FHIT: variants seen among roughly 807,000 people sequenced by gnomAD.
The protein encoded by FHIT is bis(5'-adenosyl)-triphosphatase.
FHIT carries 19 observed loss-of-function variants against 17.9 expected under a neutral mutation model. The observed-to-expected ratio is 1.06, with a 90% CI of 0.74 to 1.56. The LOEUF is 1.56. FHIT is among the 40% of genes most tolerant of loss of function. FHIT has a pLI of 0.00. For synonymous variants in FHIT, 81 were observed against 69.7 expected, an observed-to-expected ratio of 1.16 and a Z score of -0.81; for missense variants, 248 against 189.2, an observed-to-expected ratio of 1.31 and a Z score of -1.82.
intron 8 of FHIT, among the ~76,000 whole-genome samples, chr3:59,881,409 C>G (rs1002296850): frequency 1.3e-5 from 2 of 152,106 alleles, no homozygotes; most frequent in African/African-American, 2.4e-5. Context: ...CGGGCAATAG[C>G]TCATTACTAA....
intron 5 of FHIT, among the ~76,000 whole-genome samples, chr3:60,448,292 G>T (rs1380929691): frequency 6.6e-6 from 1 of 151,924 alleles, no homozygotes; most frequent in Non-Finnish European, 1.5e-5. Flanking sequence ...CCAATTAATT[G>T]GTTTTCATAA....
intron 2 of FHIT, among the ~76,000 whole-genome samples, chr3:61,139,777 G>A (rs1460350742): frequency 6.6e-6 from 1 of 151,870 alleles, no homozygotes; most frequent in Non-Finnish European, 1.5e-5. Context: ...TAGGGTTTGC[G>A]GTACACATCA....
At chr3:61,196,357 T>C (rs1196985909) in intron 2 of FHIT, among the ~76,000 whole-genome samples, 2 of 152,198 alleles carry the variant, frequency 1.3e-5, no homozygotes, top group Non-Finnish European at 2.9e-5. Context: ...GTAATGCATA[T>C]AAGTACAATA....
chr3:60,328,078 T>C (rs1200584077), intron 5 of FHIT, among the ~76,000 whole-genome samples: 1 of 152,116 alleles, frequency 6.6e-6, no homozygotes, highest in Non-Finnish European at 1.5e-5. Context: ...TTCCTTCTGC[T>C]CCAGTCCTCT....
chr3:60,404,806 G>C (rs1395242121), intron 5 of FHIT, among the ~76,000 whole-genome samples: 2 of 152,066 alleles, frequency 1.3e-5, no homozygotes, highest in Non-Finnish European at 2.9e-5. Flanking sequence ...GATGTTTCCA[G>C]TATTATGGGT....
chr3:60,596,702 C>T (rs2038281919), intron 4 of FHIT, among the ~76,000 whole-genome samples: 1 of 152,106 alleles, frequency 6.6e-6, no homozygotes, highest in African/African-American at 2.4e-5. Context: ...TTTATATCTC[C>T]AAGTCTAACA....
At chr3:61,114,523 T>C (rs1052494315) in intron 2 of FHIT, among the ~76,000 whole-genome samples, 1 of 152,122 alleles carries the variant, frequency 6.6e-6, no homozygotes, top group Non-Finnish European at 1.5e-5. Context: ...TAATACTATC[T>C]ACTTCACATA....
At chr3:59,795,398 A>G (rs990124679) in intron 8 of FHIT, among the ~76,000 whole-genome samples, 17 of 150,000 alleles carry the variant, frequency 1.1e-4, no homozygotes, top group African/African-American at 3.9e-4. Context: ...AAAAAAAAAT[A>G]CCATAACATT....
intron 2 of FHIT, among the ~76,000 whole-genome samples, chr3:61,124,646 A>G (rs369463086): frequency 1.5e-4 from 23 of 152,308 alleles, no homozygotes; most frequent in South Asian, 4.1e-4. Flanking sequence ...CTCATGGACA[A>G]ATACTCTTTC....
intron 5 of FHIT, among the ~76,000 whole-genome samples, chr3:60,179,241 C>A (rs1359653982): frequency 2.0e-5 from 3 of 152,132 alleles, no homozygotes; most frequent in Non-Finnish European, 4.4e-5. Flanking sequence ...AAGAGAAAAC[C>A]AAAGTTCATA....
chr3:60,758,722 C>T (rs972516846), intron 4 of FHIT, among the ~76,000 whole-genome samples: 1 of 152,172 alleles, frequency 6.6e-6, no homozygotes, highest in African/African-American at 2.4e-5. Flanking sequence ...GTGCCTACTA[C>T]TTGCAAGGCA....
intron 7 of FHIT, among the ~76,000 whole-genome samples, chr3:59,967,422 T>C (rs1707977435): frequency 6.6e-6 from 1 of 152,140 alleles, no homozygotes; most frequent in African/African-American, 2.4e-5. Flanking sequence ...AGCACTGCTA[T>C]GAACAAGGGA....
intron 3 of FHIT, among the ~76,000 whole-genome samples, chr3:60,860,323 T>A (rs1202235953): frequency 6.9e-6 from 1 of 145,890 alleles, no homozygotes; most frequent in African/African-American, 2.6e-5. Flanking sequence ...ATGAGATACA[T>A]CATATGTATA....
At chr3:60,581,454 C>T (rs1232649051) in intron 4 of FHIT, among the ~76,000 whole-genome samples, 4 of 152,016 alleles carry the variant, frequency 2.6e-5, no homozygotes, top group African/African-American at 7.2e-5. Flanking sequence ...CATATTATCT[C>T]CTCTACTTTT....
intron 5 of FHIT, among the ~76,000 whole-genome samples, chr3:60,304,965 G>A (rs917849211): frequency 1.3e-5 from 2 of 152,082 alleles, no homozygotes; most frequent in Non-Finnish European, 2.9e-5. Context: ...CTACTACCCA[G>A]TCTGTGGCAA....
intron 3 of FHIT, among the ~76,000 whole-genome samples, chr3:60,950,920 G>A (rs181395060): frequency 1.1e-4 from 17 of 152,130 alleles, no homozygotes; most frequent in South Asian, 4.1e-4. Flanking sequence ...TAAACATAAC[G>A]TCTGGAGGAA....
At chr3:59,990,817 G>T (rs1415698948) in intron 7 of FHIT, among the ~76,000 whole-genome samples, 1 of 152,048 alleles carries the variant, frequency 6.6e-6, no homozygotes, top group Non-Finnish European at 1.5e-5. Flanking sequence ...ACAGAGGCAA[G>T]ACTGCTCACT....
intron 3 of FHIT, among the ~76,000 whole-genome samples, chr3:60,998,591 T>C (rs564369987): frequency 2.0e-4 from 30 of 152,128 alleles, no homozygotes; most frequent in Non-Finnish European, 3.8e-4. Flanking sequence ...TGAGAATTCA[T>C]CTGGCTCATT....
chr3:60,941,669 G>A (rs553544757), intron 3 of FHIT, among the ~76,000 whole-genome samples: 2 of 152,228 alleles, frequency 1.3e-5, no homozygotes, highest in South Asian at 2.1e-4. Flanking sequence ...AATTTAATGC[G>A]TTTAGCTCAT....
Sources: allele counts gnomAD v4.1 joint callset (sites outside exome capture counted in the v4.1 genomes callset), GRCh38; gene constraint gnomAD v4.1.1; transcripts MANE v1.5; gene names NCBI Gene and HGNC (gene_info 2026-07-23, HGNC 2026-07-21).